ANKRD36: variants seen among roughly 807,000 people sequenced by gnomAD.
The protein encoded by ANKRD36 is ankyrin repeat domain 36.
In ANKRD36, 179 loss-of-function variants were observed where a neutral mutation model predicts 278.1. The observed-to-expected ratio is 0.64, with a 90% CI of 0.57 to 0.73. The LOEUF (loss-of-function observed/expected upper bound fraction) is 0.73, where lower values mean the gene tolerates loss of function less well. ANKRD36 is among the 30% of genes least tolerant of loss of function. The probability of loss-of-function intolerance (pLI) is 0.00; values close to 1 mark genes in which losing one functional copy is unlikely to be tolerated. For synonymous variants in ANKRD36, 320 were observed against 641.1 expected, an observed-to-expected ratio of 0.50 and a Z score of 7.57; for missense variants, 1,159 against 1,956.7, an observed-to-expected ratio of 0.59 and a Z score of 7.69.
chr2:97,145,490 G>A (rs1432461024), intron 10 of ANKRD36, among the ~76,000 whole-genome samples: 1 of 151,980 alleles, frequency 6.6e-6, no homozygotes, highest in Non-Finnish European at 1.5e-5. Context: ...GGACAAAATA[G>A]CAATTTAATG....
chr2:97,212,307 AAAG>A lies in ANKRD36; in HGVS notation c.3469+571_3469+573del, dbSNP rs541219124. The stretch of plus-strand genomic sequence containing the variant: ...TCAATACATTTGGAACATTTGCATA[AAAG>A]AAGATTTGATTTTGGCTGCTCCAGG... On this transcript the variant is annotated intron_variant, in intron 58 of 75. Coordinates refer to ENST00000420699, the MANE Select transcript of ANKRD36 (RefSeq NM_001354587.1). Among the ~76,000 whole-genome samples, 16 of 152,026 alleles carry A rather than the reference AAAG, an allele frequency of 1.1e-4. No individual in the cohort carries two copies. In the East Asian group the frequency reaches 1.6e-3, roughly 15 times the overall value.
At chr2:97,121,899 T>C (rs1370455677) in intron 3 of ANKRD36, among the ~76,000 whole-genome samples, 2 of 149,380 alleles carry the variant, frequency 1.3e-5, no homozygotes, top group African/African-American at 4.9e-5. Context: ...AAGATTGTAA[T>C]TGAGAATAAC....
chr2:97,244,227 GA>G (rs1271619230), intron 70 of ANKRD36, among the ~76,000 whole-genome samples, 198 bp downstream of exon 70: 2 of 146,592 alleles, frequency 1.4e-5, no homozygotes, highest in African/African-American at 4.9e-5. Flanking sequence ...AAGGCCTTTT[GA>G]AAACAATGCT....
At chr2:97,147,454 A>G (rs1279513226) in intron 11 of ANKRD36, among the ~76,000 whole-genome samples, 3 of 151,966 alleles carry the variant, frequency 2.0e-5, no homozygotes, top group African/African-American at 7.2e-5. Flanking sequence ...GAAATCCTAG[A>G]GACTAAACAA....
intron 6 of ANKRD36, among the ~76,000 whole-genome samples, chr2:97,129,524 T>C (rs1375192961): frequency 6.6e-6 from 1 of 152,138 alleles, no homozygotes; most frequent in African/African-American, 2.4e-5. Context: ...GCTTTTGGTG[T>C]TTTAGACGTG....
intron 20 of ANKRD36, among the ~76,000 whole-genome samples, 184 bp downstream of exon 20, chr2:97,164,653 A>G (rs1194427386): frequency 6.6e-6 from 1 of 152,310 alleles, no homozygotes; most frequent in East Asian, 1.9e-4. Flanking sequence ...GACATTTTAC[A>G]CGGTGAGCTC....
At chr2:97,233,498 GTCTC>G (rs1398844587) in intron 67 of ANKRD36, among the ~76,000 whole-genome samples, 1 of 151,940 alleles carries the variant, frequency 6.6e-6, no homozygotes, top group East Asian at 2.0e-4. Flanking sequence ...ATTAACCCAA[GTCTC>G]TCTGTCAGTT....
At chr2:97,194,621 C>G in intron 38 of ANKRD36, 105 bp from the exon 39 acceptor site, 1 of 1,573,568 alleles carries the variant, frequency 6.4e-7, no homozygotes, top group South Asian at 1.1e-5. Context: ...AAAGCGTACA[C>G]TAATACAGGC....
chr2:97,228,097 C>A (rs1258208426), intron 67 of ANKRD36, among the ~76,000 whole-genome samples: 1 of 152,064 alleles, frequency 6.6e-6, no homozygotes, highest in Admixed American at 6.6e-5. Flanking sequence ...CTAAAATTCT[C>A]TTTTTTGGTT....
intron 44 of ANKRD36, among the ~76,000 whole-genome samples, chr2:97,199,509 A>C (rs2060708180): frequency 6.6e-6 from 1 of 151,952 alleles, no homozygotes; most frequent in Admixed American, 6.6e-5. Context: ...ATGATGTTGA[A>C]TTCCAATTAA....
At chr2:97,250,378 T>C (rs1415082348) in intron 75 of ANKRD36, among the ~76,000 whole-genome samples, 1 of 144,590 alleles carries the variant, frequency 6.9e-6, no homozygotes, top group Non-Finnish European at 1.5e-5. Context: ...TCATGTTTCA[T>C]AGCTTTAAAA....
chr2:97,154,701 C>T lies in ANKRD36; in HGVS notation c.1220C>T (p.Ala407Val). ...DRCLYLLDRF[A>V]QPVTKDKFAL... ...TGTCTCTACCTACTGGACCGTTTTG[C>T]ACAGCCTGTGACAAAGGATAAGTTT... The change falls in exon 15 of 76, where the codon GCA (alanine) becomes GTA (valine). Residue 407 changes from alanine to valine, a missense_variant. Ala to Val is a moderately conservative substitution (Grantham distance 64). Coordinates refer to ENST00000420699, the MANE Select transcript of ANKRD36 (RefSeq NM_001354587.1). The T allele has an allele frequency of 4.7e-6, 7 of 1,488,344 alleles. 1 individual carries two copies. In the East Asian group the frequency reaches 7.4e-5, roughly 16 times the overall value. 92.2% of individuals were successfully genotyped at this position (1,488,344 alleles called of 1,614,324 possible).
chr2:97,140,659 C>T (rs1381993047), intron 6 of ANKRD36, among the ~76,000 whole-genome samples: 4 of 151,930 alleles, frequency 2.6e-5, no homozygotes, highest in East Asian at 1.9e-4. Flanking sequence ...AATTTGTACA[C>T]GTTAGTCAAG....
chr2:97,226,765 C>T (rs1252242388), intron 67 of ANKRD36, among the ~76,000 whole-genome samples: 4 of 151,514 alleles, frequency 2.6e-5, no homozygotes, highest in South Asian at 2.1e-4. Flanking sequence ...TTAGGTCTAA[C>T]GTTTAAGCCT....
At chr2:97,199,999 A>T (rs1157703017) in intron 44 of ANKRD36, among the ~76,000 whole-genome samples, 1 of 151,880 alleles carries the variant, frequency 6.6e-6, no homozygotes, top group Non-Finnish European at 1.5e-5. Context: ...TTTGACATTG[A>T]TTCTCACGTA....
chr2:97,142,851 C>T lies in ANKRD36; in HGVS notation c.901+16C>T, dbSNP rs1304388376. On this transcript the variant is annotated intron_variant, in intron 8 of 75. Transcript: ENST00000420699. ...TCTGGGACAGGTATTTTGGAATACA[C>T]ATTTAATGTCATGTTCACTCAGGAT... The T allele has an allele frequency of 1.3e-6, 2 of 1,548,672 alleles. No homozygotes were observed. Among genetic ancestry groups the T allele is most frequent in the Non-Finnish European group, 8.7e-7 (1 of 1,147,636 alleles).
intron 17 of ANKRD36, among the ~76,000 whole-genome samples, chr2:97,159,944 G>T (rs2048447389): frequency 6.6e-6 from 1 of 152,206 alleles, no homozygotes; most frequent in African/African-American, 2.4e-5. Flanking sequence ...ATCACGCCCG[G>T]CTAATTTTTT....
At chr2:97,209,965 G>C in intron 56 of ANKRD36, 93 bp downstream of exon 56, 1 of 1,474,318 alleles carries the variant, frequency 6.8e-7, no homozygotes, top group Non-Finnish European at 9.1e-7. Context: ...CGTTGAAGCT[G>C]CACATTCTGA....
intron 46 of ANKRD36, 97 bp downstream of exon 46, chr2:97,200,622 C>A (rs1346876939): frequency 2.7e-6 from 4 of 1,503,802 alleles, no homozygotes; most frequent in South Asian, 1.2e-5. Flanking sequence ...GCTGCACGTT[C>A]TGATTCACCA....
Sources: gnomAD v4.1 joint callset for allele counts (sites outside exome capture counted in the v4.1 genomes callset) on GRCh38, gnomAD v4.1.1 for gene constraint, MANE v1.5 for transcripts, NCBI Gene and HGNC (gene_info 2026-07-23, HGNC 2026-07-21) for gene names.